The following AGAP1 variants were observed in gnomAD, a reference collection of about 807,000 sequenced individuals.
AGAP1 encodes the protein ArfGAP with GTPase domain, ankyrin repeat and PH domain 1, also known as arf-GAP with GTPase, ANK repeat and PH domain-containing protein 1.
A neutral mutation model predicts 105.3 loss-of-function variants in AGAP1; 29 were observed. The ratio of observed to expected loss-of-function variants is 0.28; its 90% CI spans 0.21 to 0.38. The LOEUF is 0.38. Ranked by LOEUF, AGAP1 falls within the 10% of genes least tolerant of loss-of-function variation. The pLI is 1.00. For synonymous variants in AGAP1, 509 were observed against 485.9 expected (o/e 1.05, Z -0.63); for missense variants, 998 against 1,165.1 (o/e 0.86, Z 2.09).
At chr2:236,043,875 G>A (rs541671166) in intron 15 of AGAP1, among the ~76,000 whole-genome samples, 24 of 152,280 alleles carry the variant, frequency 1.6e-4, no homozygotes, top group Admixed American at 1.4e-3. Flanking sequence ...GCTGCACTCT[G>A]GAAGGTTAGC....
At position 236,046,209 on chromosome 2, in the gene AGAP1, G is replaced by A. The variant is rs2057713398; in HGVS notation, c.1892-2850G>A. Among the ~76,000 whole-genome samples, 1 of 152,168 alleles carries A rather than the reference G, an allele frequency of 6.6e-6. No individual in the cohort carries two copies. Among genetic ancestry groups the A allele is most frequent in the African/African-American group, 2.4e-5 (1 of 41,428 alleles). On this transcript the variant is annotated intron_variant, in intron 15 of 17. Transcript: ENST00000304032. The surrounding 1 kb of genome is among the most constrained non-coding windows in gnomAD (Gnocchi z 5.2). ...ATGTGAGTGGAGACAGTGTGTCAGAGCACTCCCCACAGCACTCGGTGATGG... is the reference window on the plus strand; with the variant it reads ...ATGTGAGTGGAGACAGTGTGTCAGAACACTCCCCACAGCACTCGGTGATGG...
Position 235,724,320 on chromosome 2 carries a change from T to C in AGAP1, c.310+6676T>C, listed in dbSNP as rs1041019459. Among the ~76,000 whole-genome samples the C allele has an allele frequency of 2.6e-5, 4 of 152,138 alleles. No individual in the cohort carries two copies. Among genetic ancestry groups the C allele is most frequent in the African/African-American group, 9.7e-5 (4 of 41,438 alleles). ...TGCCTCCCTCCCAGAAGGGCGACCC[T>C]CCAGCCCCATGTCCAGGCTCTCCCA... On this transcript the variant is annotated intron_variant, in intron 3 of 17. Coordinates refer to ENST00000304032, the MANE Select transcript of AGAP1 (RefSeq NM_001037131.3). This position sits in a 1 kb window ranked among gnomAD's most constrained non-coding sequence, Gnocchi z 4.9.
At chr2:235,826,502 T>G (rs928092032) in intron 9 of AGAP1, among the ~76,000 whole-genome samples, 1 of 151,890 alleles carries the variant, frequency 6.6e-6, no homozygotes, top group Non-Finnish European at 1.5e-5. Context: ...CAGGCTGGAG[T>G]GCAGTGGCAC....
chr2:235,725,018 G>A lies in AGAP1; in HGVS notation c.310+7374G>A, dbSNP rs568046515. ...AAGGACGTCTCGTTTCCAGCATGTC[G>A]GGGGTCAGGCTGTGCTGCACTGAGG... On this transcript the variant is annotated intron_variant, in intron 3 of 17. Transcript: ENST00000304032. This position sits in a 1 kb window ranked among gnomAD's most constrained non-coding sequence, Gnocchi z 5.7. Among the ~76,000 whole-genome samples the A allele has an allele frequency of 6.6e-6, 1 of 152,190 alleles. No individual in the cohort carries two copies. Among genetic ancestry groups the A allele is most frequent in the Admixed American group, 6.5e-5 (1 of 15,284 alleles).
rs556775573 is a variant in AGAP1, at chr2:235,578,082, G to A, written c.163+83233G>A. On this transcript the variant is annotated intron_variant, in intron 1 of 17. Coordinates refer to ENST00000304032, the MANE Select transcript of AGAP1 (RefSeq NM_001037131.3). The surrounding 1 kb of genome is among the most constrained non-coding windows in gnomAD (Gnocchi z 4.9). ...ATCCTGCCTGCTGGTCTGAGGGTCCGAGCGTGATTGGGAGCAGAGACAAGA... is the reference window on the plus strand; with the variant it reads ...ATCCTGCCTGCTGGTCTGAGGGTCCAAGCGTGATTGGGAGCAGAGACAAGA... Among the ~76,000 whole-genome samples, 12 of 152,230 alleles carry A rather than the reference G, an allele frequency of 7.9e-5. No homozygotes were observed. The East Asian group carries it at 1.6e-3, about 20-fold the overall frequency.
chr2:236,067,884 C>A (rs2058388186), intron 16 of AGAP1, among the ~76,000 whole-genome samples: 1 of 152,086 alleles, frequency 6.6e-6, no homozygotes, highest in Non-Finnish European at 1.5e-5. Context: ...AGCCACCGGG[C>A]TGTCAGGGTC....
At chr2:236,110,487 C>CGG (rs1352157126) in intron 16 of AGAP1, among the ~76,000 whole-genome samples, 1 of 152,022 alleles carries the variant, frequency 6.6e-6, no homozygotes, top group Non-Finnish European at 1.5e-5. Flanking sequence ...GACTTGAGCC[C>CGG]GGGAGTTCCA....
intron 9 of AGAP1, among the ~76,000 whole-genome samples, chr2:235,812,495 A>G (rs1176013704): frequency 6.6e-6 from 1 of 152,218 alleles, no homozygotes; most frequent in Non-Finnish European, 1.5e-5. Flanking sequence ...ACCTGGGATC[A>G]ACACGAGGGG....
chr2:235,586,654 C>T lies in AGAP1; in HGVS notation c.163+91805C>T, dbSNP rs577606897. Among the ~76,000 whole-genome samples, 12 of 152,300 alleles carry T rather than the reference C, an allele frequency of 7.9e-5. No homozygotes were observed. Among genetic ancestry groups the T allele is most frequent in the African/African-American group, 2.6e-4 (11 of 41,562 alleles). ...GGCCTTGGTTTTGCAGCATTTCCAACTTGGGTTGTCAGAGTGAGACTGTGC... is the reference window on the plus strand; with the variant it reads ...GGCCTTGGTTTTGCAGCATTTCCAATTTGGGTTGTCAGAGTGAGACTGTGC... On this transcript the variant is annotated intron_variant, in intron 1 of 17. Transcript: ENST00000304032. The surrounding 1 kb of genome is among the most constrained non-coding windows in gnomAD (Gnocchi z 4.2).
In AGAP1 at chr2:235,697,033, A is replaced by G. The variant is rs568818323; in HGVS notation, c.164-12146A>G. Among the ~76,000 whole-genome samples, 13 of 152,144 alleles carry G rather than the reference A, an allele frequency of 8.5e-5. No homozygotes were observed. The East Asian group carries it at 2.5e-3, about 29-fold the overall frequency. ...TAACTTTTGTTTCATTCGATTTGCC[A>G]TTAAGTCCGGTTATTTTAGCTGAAC... On this transcript the variant is annotated intron_variant, in intron 1 of 17. Transcript: ENST00000304032.
At position 235,831,184 on chromosome 2, in the gene AGAP1, T is replaced by TA. The variant is rs35101565; in HGVS notation, c.1050+23871dup. Reference sequence around the variant, plus strand: ...TCCAGAGTGCTTCACTCTTCTTCTTTAAAAAAAAAAAAAAAAAACAGTAAA... The same window carrying TA: ...TCCAGAGTGCTTCACTCTTCTTCTTTAAAAAAAAAAAAAAAAAAACAGTAAA... On this transcript the variant is annotated intron_variant, in intron 9 of 17. Transcript: ENST00000304032. Among the ~76,000 whole-genome samples, 756 of 138,092 alleles carry TA rather than the reference T, an allele frequency of 5.5e-3. 6 individuals are homozygous for TA. The highest frequency in any genetic ancestry group is 0.016 in the African/African-American group (555 of 35,542). 90.6% of individuals were successfully genotyped at this position (138,092 alleles called of 152,430 possible).
intron 15 of AGAP1, among the ~76,000 whole-genome samples, chr2:236,047,624 G>A (rs112464284): frequency 0.052 from 5,192 of 100,258 alleles, 196 homozygotes; most frequent in East Asian, 0.13. Flanking sequence ...TTTTTTTGAG[G>A]AGTCTCGTTC....
rs1267617759 is a variant in AGAP1 at position 235,882,785 on chromosome 2, A to C, written c.1051-560A>C. On this transcript the variant is annotated intron_variant, in intron 9 of 17. Coordinates refer to ENST00000304032, the MANE Select transcript of AGAP1 (RefSeq NM_001037131.3). The surrounding 1 kb of genome is among the most constrained non-coding windows in gnomAD (Gnocchi z 4.6). ...CCACCGTGCCCGGCCTGGTTAATGC[A>C]GTTTTTTTAGTTTGTTCTTTCTTTT... Among the ~76,000 whole-genome samples the C allele has an allele frequency of 6.6e-6, 1 of 151,546 alleles. No homozygotes were observed. The highest frequency in any genetic ancestry group is 1.5e-5 in the Non-Finnish European group (1 of 67,892).
intron 1 of AGAP1, among the ~76,000 whole-genome samples, chr2:235,685,933 A>C (rs1949358480): frequency 6.6e-6 from 1 of 152,164 alleles, no homozygotes; most frequent in South Asian, 2.1e-4. Context: ...CCAGAAAGGC[A>C]GGACCACTCA....
At position 235,573,633 on chromosome 2, in the gene AGAP1, T is replaced by C. The variant is rs373900868; in HGVS notation, c.163+78784T>C. ...GTGATAATAGTTAGAAGGAAGCGTA[T>C]GGAAGAAAGTGTGGCAACAACACTG... On this transcript the variant is annotated intron_variant, in intron 1 of 17. Coordinates refer to ENST00000304032, the MANE Select transcript of AGAP1 (RefSeq NM_001037131.3). 3.9e-5 allele frequency among the ~76,000 whole-genome samples: 6 copies of C among 152,222 alleles called. 1 individual carries two copies. In the South Asian group the frequency reaches 1.2e-3, roughly 32 times the overall value.
chr2:235,836,322 T>C (rs1960151539), intron 9 of AGAP1, among the ~76,000 whole-genome samples: 1 of 152,202 alleles, frequency 6.6e-6, no homozygotes, highest in South Asian at 2.1e-4. Flanking sequence ...ATACTCAAAT[T>C]AGAGCACTGC....
At chr2:235,525,830 G>C (rs1942813910) in intron 1 of AGAP1, among the ~76,000 whole-genome samples, 3 of 99,702 alleles carry the variant, frequency 3.0e-5, no homozygotes, top group Admixed American at 2.9e-4. Flanking sequence ...TAATGTGGAG[G>C]ACTGATTTAT....
chr2:235,942,113 G>A (rs1411653985), intron 12 of AGAP1, among the ~76,000 whole-genome samples: 4 of 152,072 alleles, frequency 2.6e-5, no homozygotes, highest in African/African-American at 9.7e-5. Flanking sequence ...CATTTCCTAG[G>A]GAAGAGAGGA....
rs1288961051 is a variant in AGAP1 at position 235,891,324 on chromosome 2, A to G, written c.1155+7875A>G. Among the ~76,000 whole-genome samples, 2 of 152,178 alleles carry G rather than the reference A, an allele frequency of 1.3e-5. No individual in the cohort carries two copies. The highest frequency in any genetic ancestry group is 2.9e-5 in the Non-Finnish European group (2 of 68,026). ...TGCGGTCTACATTTTTGTGTCTTTG[A>G]AAAATTGTATGTCTCCAAGACCTTT... is the stretch of plus-strand genomic sequence containing the variant. On this transcript the variant is annotated intron_variant, in intron 10 of 17. Transcript: ENST00000304032. The surrounding 1 kb of genome is among the most constrained non-coding windows in gnomAD (Gnocchi z 4.2).
Sources: gnomAD v4.1 joint callset for allele counts (sites outside exome capture counted in the v4.1 genomes callset) on GRCh38, gnomAD v4.1.1 for gene constraint, Gnocchi (gnomAD v3.1) non-coding constraint, MANE v1.5 for transcripts, NCBI Gene and HGNC (gene_info 2026-07-23, HGNC 2026-07-21) for gene names.